Variants in CDC14A observed in about 807,000 individuals in gnomAD.
CDC14A encodes the protein cell division cycle 14A.
Under a neutral mutation model 74.4 loss-of-function variants are expected in CDC14A, and 53 were observed. The observed-to-expected ratio is 0.71, with a 90% CI of 0.57 to 0.89. The LOEUF is 0.89. Ranked by LOEUF, CDC14A falls within the 40% of genes least tolerant of loss-of-function variation. CDC14A has a pLI of 0.00. For synonymous variants in CDC14A, 247 were observed against 258.4 expected (o/e 0.96, Z 0.43); for missense variants, 646 against 713.7 (o/e 0.91, Z 1.08).
chr1:100,348,387 C>T (rs1164271778), upstream of CDC14A, among the ~76,000 whole-genome samples: 3 of 151,898 alleles, frequency 2.0e-5, no homozygotes, highest in Non-Finnish European at 4.4e-5. Flanking sequence ...ATCTTCCATC[C>T]ATTCTTTTTT....
chr1:100,446,796 C>A (rs1322560044), intron 7 of CDC14A, among the ~76,000 whole-genome samples: 1 of 152,168 alleles, frequency 6.6e-6, no homozygotes, highest in Non-Finnish European at 1.5e-5. Flanking sequence ...CCTCTGGGCT[C>A]AAGCCATCCT....
rs10603056 is a variant in CDC14A at position 100,412,722 on chromosome 1, A to G, written c.310-11500A>G. 3.4e-4 allele frequency among the ~76,000 whole-genome samples: 25 copies of G among 73,938 alleles called. 1 individual carries two copies. Among genetic ancestry groups the G allele is most frequent in the Non-Finnish European group, 5.2e-4 (23 of 43,978 alleles). 48.5% of individuals were successfully genotyped at this position (73,938 alleles called of 152,430 possible). A position where few individuals can be genotyped will look rare whatever the true frequency, so the allele number is the denominator to read the frequency against. ...TATATATATATATATATATATATAT[A>G]TTTTATATATATATATTTTATATAT... On this transcript the variant is annotated intron_variant, in intron 4 of 15. Transcript: ENST00000336454.
intron 15 of CDC14A, among the ~76,000 whole-genome samples, chr1:100,506,428 C>G (rs762821509): frequency 1.3e-5 from 2 of 152,080 alleles, no homozygotes; most frequent in East Asian, 3.8e-4. Flanking sequence ...TTTTCCCTTC[C>G]CAAGGGGACC....
intron 10 of CDC14A, among the ~76,000 whole-genome samples, chr1:100,478,189 G>A (rs1362683557): frequency 6.6e-6 from 1 of 151,988 alleles, no homozygotes; most frequent in Non-Finnish European, 1.5e-5. Context: ...ACATCCTCAA[G>A]GTTCTTAAAA....
At chr1:100,502,133 T>A (rs574621135) in intron 15 of CDC14A, among the ~76,000 whole-genome samples, 1 of 152,040 alleles carries the variant, frequency 6.6e-6, no homozygotes, top group African/African-American at 2.4e-5. Flanking sequence ...GAAAGAAAAA[T>A]TTTTAATATA....
intron 10 of CDC14A, among the ~76,000 whole-genome samples, chr1:100,481,561 G>A (rs960270518): frequency 6.6e-6 from 1 of 152,136 alleles, no homozygotes; most frequent in Non-Finnish European, 1.5e-5. Context: ...CTGTAACTTG[G>A]CTCATAATAA....
In CDC14A at chr1:100,360,227, C is replaced by T. The variant is rs113930248; in HGVS notation, c.140+6375C>T. On this transcript the variant is annotated intron_variant, in intron 2 of 15. Transcript: ENST00000336454. Reference sequence around the variant, plus strand: ...TCGGCCTCCCAAAGTGCTAGGATTACAGGCATGAGCCACTGTGCCTAGCCT... The same window carrying T: ...TCGGCCTCCCAAAGTGCTAGGATTATAGGCATGAGCCACTGTGCCTAGCCT... Among the ~76,000 whole-genome samples the T allele has an allele frequency of 4.3e-3, 645 of 151,390 alleles. 4 individuals carry two copies. The highest frequency in any genetic ancestry group is 0.015 in the African/African-American group (622 of 41,272).
chr1:100,422,453 A>G (rs1056410363), intron 4 of CDC14A, among the ~76,000 whole-genome samples: 2 of 152,186 alleles, frequency 1.3e-5, no homozygotes, highest in African/African-American at 4.8e-5. Flanking sequence ...CGGCATCTTT[A>G]GGCTTAAGAA....
At chr1:100,394,772 C>A (rs1442569279) in intron 4 of CDC14A, among the ~76,000 whole-genome samples, 1 of 152,140 alleles carries the variant, frequency 6.6e-6, no homozygotes, top group African/African-American at 2.4e-5. Flanking sequence ...TTGACACAAA[C>A]CCTTAATACA....
At chr1:100,407,852 T>C (rs1452874502) in intron 4 of CDC14A, among the ~76,000 whole-genome samples, 2 of 152,226 alleles carry the variant, frequency 1.3e-5, no homozygotes, top group African/African-American at 4.8e-5. Flanking sequence ...GACTTCGTAA[T>C]TGTACATATT....
intron 2 of CDC14A, among the ~76,000 whole-genome samples, chr1:100,358,153 T>TA (rs1474449093): frequency 1.2e-4 from 18 of 152,212 alleles, no homozygotes; most frequent in Non-Finnish European, 2.4e-4. Context: ...GCTAACACAC[T>TA]AGTGGTACAA....
At chr1:100,517,236 T>G (rs1196547369) in intron 15 of CDC14A, among the ~76,000 whole-genome samples, 1 of 152,218 alleles carries the variant, frequency 6.6e-6, no homozygotes, top group African/African-American at 2.4e-5. Flanking sequence ...CTTTGGAAAA[T>G]GGACAGATTC....
At position 100,504,753 on chromosome 1, in the gene CDC14A, T is replaced by C; in HGVS notation, c.1755+5491T>C. 4 of 1,264,940 alleles carry C rather than the reference T, an allele frequency of 3.2e-6. No individual in the cohort carries two copies. The South Asian group carries it at 3.8e-5, about 12-fold the overall frequency. 78.4% of individuals were successfully genotyped at this position (1,264,940 alleles called of 1,614,324 possible). On this transcript the variant is annotated intron_variant, in intron 15 of 15. Transcript: ENST00000336454. ...TCAGGCCCTCTGTACTGCATTTCTGTAGTATTGTATCTTTGCACCAGCATT... is the reference window on the plus strand; with the variant it reads ...TCAGGCCCTCTGTACTGCATTTCTGCAGTATTGTATCTTTGCACCAGCATT...
At chr1:100,513,099 G>T (rs188005603) in intron 15 of CDC14A, among the ~76,000 whole-genome samples, 9 of 152,222 alleles carry the variant, frequency 5.9e-5, no homozygotes, top group Admixed American at 1.3e-4. Flanking sequence ...CCACAGTTAT[G>T]GAAATAAGTA....
At chr1:100,391,885 T>G (rs1037576469) in intron 4 of CDC14A, among the ~76,000 whole-genome samples, 1 of 152,260 alleles carries the variant, frequency 6.6e-6, no homozygotes, top group African/African-American at 2.4e-5. Flanking sequence ...GCCCACCTTT[T>G]GTCCCTTGAT....
chr1:100,455,550 T>G (rs907283930), intron 8 of CDC14A, 58 bp downstream of exon 8: 19 of 937,252 alleles, frequency 2.0e-5, no homozygotes, highest in Non-Finnish European at 3.2e-5. Flanking sequence ...TTTCTAAGTT[T>G]CTTAACTTCC....
rs757368744 is a variant in CDC14A at position 100,443,010 on chromosome 1, AT to A, written c.519+22del. The A allele has an allele frequency of 2.5e-5, 38 of 1,521,416 alleles. No homozygotes were observed. The highest frequency in any genetic ancestry group is 6.9e-5 in the African/African-American group (5 of 72,790). 94.2% of individuals were successfully genotyped at this position (1,521,416 alleles called of 1,614,324 possible). A position where few individuals can be genotyped will look rare whatever the true frequency, so the allele number is the denominator to read the frequency against. ...GAACATTATGAGGTTTGTACATTTAATTTTTTTTACAAAACATAATTTCATG... is the reference window on the plus strand; with the variant it reads ...GAACATTATGAGGTTTGTACATTTAATTTTTTTACAAAACATAATTTCATG... On this transcript the variant is annotated intron_variant, in intron 7 of 15. Coordinates refer to ENST00000336454, the MANE Select transcript of CDC14A (RefSeq NM_003672.4).
intron 5 of CDC14A, among the ~76,000 whole-genome samples, chr1:100,425,682 C>T (rs953899414): frequency 3.3e-5 from 5 of 152,028 alleles, no homozygotes; most frequent in African/African-American, 9.7e-5. Flanking sequence ...GGTAATCAGC[C>T]GTGGAAGGGC....
intron 4 of CDC14A, among the ~76,000 whole-genome samples, chr1:100,394,331 G>A (rs1256674808): frequency 2.0e-5 from 3 of 152,084 alleles, no homozygotes; most frequent in Non-Finnish European, 4.4e-5. Context: ...TGCCCAGCCT[G>A]GCTTCAGGAC....
Sources: allele counts gnomAD v4.1 joint callset (sites outside exome capture counted in the v4.1 genomes callset), GRCh38; gene constraint gnomAD v4.1.1; transcripts MANE v1.5; gene names NCBI Gene and HGNC (gene_info 2026-07-23, HGNC 2026-07-21).